CFH: variants seen among roughly 807,000 people sequenced by gnomAD.
CFH encodes the protein complement factor H.
In CFH, 53 loss-of-function variants were observed where a neutral mutation model predicts 147.3. That is an observed-to-expected ratio of 0.36 (90% CI 0.29 to 0.45). The LOEUF (loss-of-function observed/expected upper bound fraction) is 0.45, where lower values mean the gene tolerates loss of function less well. Among genes scored for constraint, CFH ranks in the 20% least tolerant of loss-of-function variants. The pLI, the probability that CFH is intolerant of heterozygous loss-of-function variation, is 1.00. For missense variants in CFH, 1,380 were observed against 1,498.0 expected (o/e 0.92, Z 1.30); for synonymous variants, 536 against 489.4 (o/e 1.10, Z -1.26).
chr1:196,746,569 T>C (rs1267413642), intron 21 of CFH, among the ~76,000 whole-genome samples: 2 of 152,264 alleles, frequency 1.3e-5, no homozygotes, highest in African/African-American at 4.8e-5. Context: ...GATATATTTA[T>C]GCTACAAAGA....
chr1:196,734,636 C>A (rs1490709462), intron 15 of CFH, among the ~76,000 whole-genome samples: 1 of 151,978 alleles, frequency 6.6e-6, no homozygotes, highest in Non-Finnish European at 1.5e-5. Context: ...TTTCCAGTAT[C>A]GTCATTGAAT....
At chr1:196,687,287 C>T (rs1339784016) in intron 7 of CFH, among the ~76,000 whole-genome samples, 6 of 151,990 alleles carry the variant, frequency 3.9e-5, no homozygotes, top group Admixed American at 3.9e-4. Context: ...TAGAATGAAG[C>T]TATTTGAAGT....
chr1:196,725,606 T>G (rs1260019384), intron 12 of CFH, among the ~76,000 whole-genome samples: 4 of 152,194 alleles, frequency 2.6e-5, no homozygotes, highest in Non-Finnish European at 5.9e-5. Context: ...ATGTTTTATT[T>G]GGCTCACTAT....
intron 11 of CFH, among the ~76,000 whole-genome samples, chr1:196,721,526 T>A (rs1484867946): frequency 6.6e-6 from 1 of 152,040 alleles, no homozygotes; most frequent in Admixed American, 6.6e-5. Flanking sequence ...AAACATATAT[T>A]CTGAGGTTGT....
intron 14 of CFH, among the ~76,000 whole-genome samples, chr1:196,727,832 C>T (rs762571734): frequency 2.3e-4 from 35 of 152,128 alleles, no homozygotes; most frequent in Admixed American, 2.6e-4. Context: ...TGAGTCAGGA[C>T]GTAAATCTCA....
chr1:196,674,952 T>A (rs1255991408), intron 3 of CFH, among the ~76,000 whole-genome samples: 3 of 152,178 alleles, frequency 2.0e-5, no homozygotes, highest in African/African-American at 7.2e-5. Flanking sequence ...TAATTTCTTA[T>A]GAATTTATTC....
intron 7 of CFH, among the ~76,000 whole-genome samples, chr1:196,688,076 T>A (rs1283413558): frequency 6.6e-6 from 1 of 151,868 alleles, no homozygotes; most frequent in African/African-American, 2.4e-5. Context: ...TTTATATGTG[T>A]GTGTGTGTAT....
At chr1:196,693,829 G>A (rs916890550) in intron 9 of CFH, among the ~76,000 whole-genome samples, 19 of 151,966 alleles carry the variant, frequency 1.3e-4, no homozygotes, top group African/African-American at 4.6e-4. Context: ...TGTGTTGAAG[G>A]GCATTTGCAT....
At chr1:196,697,920 C>G (rs1469315360) in intron 9 of CFH, among the ~76,000 whole-genome samples, 1 of 148,254 alleles carries the variant, frequency 6.7e-6, no homozygotes, top group South Asian at 2.1e-4. Context: ...AACCAAGCAT[C>G]GCATGCTCTC....
chr1:196,728,589 GTC>G, intron 15 of CFH, 67 bp downstream of exon 15: 2 of 1,496,294 alleles, frequency 1.3e-6, no homozygotes, highest in Non-Finnish European at 1.9e-6. Flanking sequence ...AGGTATGTGT[GTC>G]TTTTAAAAAC....
intron 21 of CFH, among the ~76,000 whole-genome samples, chr1:196,746,274 G>A (rs1573086106): frequency 6.6e-6 from 1 of 152,008 alleles, no homozygotes; most frequent in African/African-American, 2.4e-5. Context: ...GTGAAACCCC[G>A]TCTCTACTAA....
intron 9 of CFH, among the ~76,000 whole-genome samples, chr1:196,691,661 ATC>A: frequency 6.6e-6 from 1 of 151,818 alleles, no homozygotes; most frequent in Admixed American, 6.6e-5. Flanking sequence ...TGAATATAAA[ATC>A]TCTTTTAATT....
intron 9 of CFH, among the ~76,000 whole-genome samples, chr1:196,694,844 T>G (rs1438374114): frequency 1.3e-5 from 2 of 152,216 alleles, no homozygotes; most frequent in African/African-American, 2.4e-5. Flanking sequence ...TACTTTTTGA[T>G]GGGGTTGTTT....
intron 17 of CFH, among the ~76,000 whole-genome samples, chr1:196,739,399 G>T (rs1006309993): frequency 9.9e-5 from 15 of 152,046 alleles, no homozygotes; most frequent in Non-Finnish European, 1.3e-4. Flanking sequence ...TGAGCTCTTT[G>T]CCACTTAGAA....
At position 196,672,987 on chromosome 1, in the gene CFH, A is replaced by G. The variant is rs773104581; in HGVS notation, c.68A>G (p.Glu23Gly). ...WAICVAEDCNELPPRRNTEIL... is the reference protein window; with the variant it reads ...WAICVAEDCNGLPPRRNTEIL... ...TTTTTATTGTTTGTAGATTGCAATGAACTTCCTCCAAGAAGAAATACAGAA... is the reference window on the plus strand; with the variant it reads ...TTTTTATTGTTTGTAGATTGCAATGGACTTCCTCCAAGAAGAAATACAGAA... Residue 23 changes from glutamate (E) to glycine (G), a missense_variant, in exon 2 of 22, where the codon GAA becomes GGA. Around this residue, in one of 4 missense-constraint regions of CFH, gnomAD observed 260 missense variants for 263.3 expected, o/e 0.99. Transcript: ENST00000367429. 1 of 1,613,916 alleles carries G rather than the reference A, an allele frequency of 6.2e-7. No homozygotes were observed. Among genetic ancestry groups the G allele is most frequent in the Non-Finnish European group, 8.5e-7 (1 of 1,179,882 alleles).
rs1381166275 is a variant in CFH at position 196,741,953 on chromosome 1, A to T, written c.3035A>T (p.Glu1012Val). ...GEKKDVYKAG[E>V]QVTYTCATYY... ...AAGAAGGATGTGTATAAGGCGGGTG[A>T]GCAAGTGACTTACACTTGTGCAACA... Residue 1012 changes from glutamate to valine, a missense_variant, in exon 19 of 22, where the codon GAG becomes GTG. Physicochemically the swap from Glu to Val is moderately radical, Grantham distance 121 (BLOSUM62 -2). Coordinates refer to ENST00000367429, the MANE Select transcript of CFH (RefSeq NM_000186.4). The T allele has an allele frequency of 6.2e-7, 1 of 1,614,098 alleles. No individual in the cohort carries two copies. Among genetic ancestry groups the T allele is most frequent in the Non-Finnish European group, 8.5e-7 (1 of 1,179,898 alleles).
chr1:196,725,993 T>C lies in CFH; in HGVS notation c.1874-477T>C, dbSNP rs1420679029. ...GTTAATTTTCATTTTGCTTGAAATG[T>C]CAACATCCATTCTGGACATTTTATA... On this transcript the variant is annotated intron_variant, in intron 12 of 21. Transcript: ENST00000367429. 3.9e-5 allele frequency among the ~76,000 whole-genome samples: 6 copies of C among 152,326 alleles called. No individual in the cohort carries two copies. The South Asian group carries it at 8.3e-4, about 21-fold the overall frequency.
intron 20 of CFH, among the ~76,000 whole-genome samples, 200 bp from the exon 21 acceptor site, chr1:196,745,617 T>C (rs1397683152): frequency 6.6e-6 from 1 of 152,244 alleles, no homozygotes; most frequent in East Asian, 1.9e-4. Context: ...GTTTTATGTG[T>C]TCTTTCAGTA....
chr1:196,742,669 C>A (rs997058274), intron 19 of CFH, among the ~76,000 whole-genome samples: 1 of 152,100 alleles, frequency 6.6e-6, no homozygotes, highest in African/African-American at 2.4e-5. Flanking sequence ...TTCTAGACAT[C>A]CAGAATCAAA....
Sources: gnomAD v4.1 joint callset for allele counts (sites outside exome capture counted in the v4.1 genomes callset) on GRCh38, gnomAD v4.1.1 for gene constraint, gnomAD v4.1.1 regional missense constraint, MANE v1.5 for transcripts, NCBI Gene and HGNC (gene_info 2026-07-23, HGNC 2026-07-21) for gene names.